ZNF571: variants seen among roughly 807,000 people sequenced by gnomAD.
The protein encoded by ZNF571 is zinc finger protein 571.
ZNF571 carries 4 observed loss-of-function variants against 7.7 expected under a neutral mutation model. The ratio of observed to expected loss-of-function variants is 0.52; its 90% confidence interval spans 0.25 to 1.18. The LOEUF (loss-of-function observed/expected upper bound fraction) is 1.18, where lower values mean the gene tolerates loss of function less well. Ranked by LOEUF, ZNF571 falls within the 50% of genes most tolerant of loss-of-function variation. The pLI is 0.14. For missense variants in ZNF571, 704 were observed against 726.9 expected, an observed-to-expected ratio of 0.97 and a Z score of 0.36; for synonymous variants, 251 against 232.4, an observed-to-expected ratio of 1.08 and a Z score of -0.73.
intron 1 of ZNF571, among the ~76,000 whole-genome samples, chr19:37,588,620 C>T (rs1380352568): frequency 6.6e-6 from 1 of 152,148 alleles, no homozygotes; most frequent in African/African-American, 2.4e-5. Flanking sequence ...CTGCTCACTA[C>T]CTGGGTGACT....
chr19:37,591,555 T>C (rs998482712), intron 1 of ZNF571, among the ~76,000 whole-genome samples: 4 of 152,206 alleles, frequency 2.6e-5, no homozygotes, highest in Non-Finnish European at 5.9e-5. Flanking sequence ...CTGTATTTAT[T>C]TATCTTGAGA....
chr19:37,589,759 G>A (rs2043807885), intron 1 of ZNF571, among the ~76,000 whole-genome samples: 1 of 150,364 alleles, frequency 6.7e-6, no homozygotes, highest in Non-Finnish European at 1.5e-5. Context: ...CCAGCTACTT[G>A]GGAGGCTGAG....
At chr19:37,567,938 G>A (rs1033162835) in intron 3 of ZNF571, among the ~76,000 whole-genome samples, 2 of 152,084 alleles carry the variant, frequency 1.3e-5, no homozygotes, top group Admixed American at 6.5e-5. Flanking sequence ...CTTTAATATA[G>A]TTTTTCATGT....
rs1462692701 is a variant in ZNF571 at position 37,586,704 on chromosome 19, G to C, written c.-28C>G. On this transcript the variant is annotated 5_prime_UTR_variant, in exon 2 of 4. Transcript: ENST00000451802. Reference sequence around the variant, plus strand: ...TTTTTTAGAACTGATCAATTTTCTGGGTTCTTCTCCTGGAGGTGTGCAAAG... The same window carrying C: ...TTTTTTAGAACTGATCAATTTTCTGCGTTCTTCTCCTGGAGGTGTGCAAAG... 1 of 1,613,822 alleles carries C rather than the reference G, an allele frequency of 6.2e-7. No homozygotes were observed. The highest frequency in any genetic ancestry group is 8.5e-7 in the Non-Finnish European group (1 of 1,179,924).
Position 37,565,077 on chromosome 19 carries a change from C to A in ZNF571, c.1351G>T (p.Glu451Ter). Reference protein sequence around the residue: ...HTGEKPFECKECGKAFIRVAY... With the variant: ...HTGEKPFECK ...ACACGAATAAAGGCCTTTCCACATTCCTTACATTCAAAGGGTTTCTCACCT... is the reference window on the plus strand; with the variant it reads ...ACACGAATAAAGGCCTTTCCACATTACTTACATTCAAAGGGTTTCTCACCT... Residue 451 changes from glutamate to a stop codon, truncating the protein, a stop_gained, in exon 4 of 4, where the codon GAA (glutamate) becomes TAA (stop). Transcript: ENST00000451802. LOFTEE classifies it low-confidence loss of function (END_TRUNC). 6.2e-7 allele frequency: 1 copy of A among 1,613,284 alleles called. No individual in the cohort carries two copies. The highest frequency in any genetic ancestry group is 1.1e-5 in the South Asian group (1 of 91,028).
At chr19:37,572,697 T>G (rs530628265) in intron 3 of ZNF571, among the ~76,000 whole-genome samples, 43 of 152,314 alleles carry the variant, frequency 2.8e-4, no homozygotes, top group Non-Finnish European at 5.0e-4. Flanking sequence ...TTTCTGAACT[T>G]TTAAAGGTTA....
At chr19:37,589,959 C>A (rs1473651574) in intron 1 of ZNF571, among the ~76,000 whole-genome samples, 1 of 148,818 alleles carries the variant, frequency 6.7e-6, no homozygotes, top group African/African-American at 2.5e-5. Flanking sequence ...AAATAACAGG[C>A]CTGTAGTTTT....
intron 3 of ZNF571, 163 bp from the exon 4 acceptor site, chr19:37,566,454 T>G: frequency 1.3e-6 from 1 of 766,904 alleles, no homozygotes; most frequent in South Asian, 2.3e-5. Context: ...AAGGAGAGAA[T>G]AAAGAAAAAG....
intron 3 of ZNF571, among the ~76,000 whole-genome samples, chr19:37,570,797 G>C (rs888082530): frequency 6.6e-6 from 1 of 151,960 alleles, no homozygotes; most frequent in African/African-American, 2.4e-5. Flanking sequence ...ATAAATAGAA[G>C]GCATTATAGC....
At position 37,566,122 on chromosome 19, in the gene ZNF571, ACTTG is replaced by A. The variant is rs781499916; in HGVS notation, c.302_305del (p.Ala101ValfsTer30). 20 of 1,613,872 alleles carry A rather than the reference ACTTG, an allele frequency of 1.2e-5. No homozygotes were observed. The highest frequency in any genetic ancestry group is 1.7e-5 in the Non-Finnish European group (20 of 1,179,930). On this transcript the variant is annotated frameshift_variant, in exon 4 of 4. Transcript: ENST00000451802. LOFTEE classifies it low-confidence loss of function (END_TRUNC). ...TGACACACATGTAAAGCCCTTCCTG[ACTTG>A]CTTCTTGACCCTCTAAGTTGCCTTT... is the stretch of plus-strand genomic sequence containing the variant.
intron 2 of ZNF571, 165 bp downstream of exon 2, chr19:37,586,501 ATT>A: frequency 1.4e-6 from 1 of 701,308 alleles, no homozygotes; most frequent in Admixed American, 2.5e-5. Context: ...GGGGAAAAGC[ATT>A]GAGAAGAATT....
intron 3 of ZNF571, among the ~76,000 whole-genome samples, chr19:37,577,527 C>T (rs1253269684): frequency 1.3e-5 from 2 of 152,106 alleles, no homozygotes; most frequent in Non-Finnish European, 2.9e-5. Context: ...AAAAGCAAAG[C>T]TAATCCTTTA....
Position 37,566,222 on chromosome 19 carries a change from T to C in ZNF571, c.206A>G (p.Gln69Arg), listed in dbSNP as rs762112701. 1 of 1,613,868 alleles carries C rather than the reference T, an allele frequency of 6.2e-7. No homozygotes were observed. Among genetic ancestry groups the C allele is most frequent in the African/African-American group, 1.3e-5 (1 of 75,038 alleles). ...EKEIYEMESL[Q>R]WENMGKRINH... ...GATACGTTTCCCCATATTCTCCCAC[T>C]GGAGTGATTCCATTTCATAAATTTC... is the stretch of plus-strand genomic sequence containing the variant. The change falls in exon 4 of 4, where the codon CAG (glutamine) becomes CGG (arginine). Residue 69 changes from glutamine to arginine, a missense_variant. By Grantham distance (43) the Gln-to-Arg change is conservative. Coordinates refer to ENST00000451802, the MANE Select transcript of ZNF571 (RefSeq NM_016536.5).
chr19:37,565,759 A>G lies in ZNF571; in HGVS notation c.669T>C (p.Tyr223=), dbSNP rs1347762479. ...HQKIHTNEKP[Y]QCNACGKAFI... ...AAGCTTTCCCACATGCGTTACACTG[A>G]TAAGGTTTTTCATTAGTATGAATTT... is the stretch of plus-strand genomic sequence containing the variant. Residue 223 remains tyrosine, a synonymous_variant, in exon 4 of 4, where the codon TAT becomes TAC. Coordinates refer to ENST00000451802, the MANE Select transcript of ZNF571 (RefSeq NM_016536.5). 1.9e-6 allele frequency: 3 copies of G among 1,613,630 alleles called. No homozygotes were observed. The highest frequency in any genetic ancestry group is 1.3e-5 in the African/African-American group (1 of 74,828).
At chr19:37,582,555 G>C (rs1014658476) in intron 3 of ZNF571, among the ~76,000 whole-genome samples, 4 of 152,146 alleles carry the variant, frequency 2.6e-5, no homozygotes, top group African/African-American at 9.7e-5. Flanking sequence ...GGTACAGAGA[G>C]TAATCCCATA....
chr19:37,577,126 G>A (rs1440246122), intron 3 of ZNF571, among the ~76,000 whole-genome samples: 2 of 152,092 alleles, frequency 1.3e-5, no homozygotes, highest in African/African-American at 2.4e-5. Flanking sequence ...AATTTAAGGC[G>A]AAAGGAAAAT....
rs773109162 is a variant in ZNF571 at position 37,566,260 on chromosome 19, T to A, written c.168A>T (p.Leu56Phe). The A allele has an allele frequency of 6.2e-7, 1 of 1,613,012 alleles. No homozygotes were observed. Among genetic ancestry groups the A allele is most frequent in the Non-Finnish European group, 8.5e-7 (1 of 1,179,480 alleles). Residue 56 changes from leucine (L) to phenylalanine (F), a missense_variant, in exon 4 of 4, where the codon TTA becomes TTT. By Grantham distance (22) the Leu-to-Phe change is conservative. Coordinates refer to ENST00000451802, the MANE Select transcript of ZNF571 (RefSeq NM_016536.5). ...TTTCATAAATTTCCTTTTCTGGAGA[T>A]AACTTTTTGGTCACACAACTGGATT... ...DLESSCVTKK[L>F]SPEKEIYEME...
intron 1 of ZNF571, among the ~76,000 whole-genome samples, chr19:37,590,113 G>C (rs1483982629): frequency 1.4e-5 from 1 of 71,484 alleles, no homozygotes; most frequent in Non-Finnish European, 2.8e-5. Flanking sequence ...GGCAAAAAAA[G>C]GCTATAAGGA....
At chr19:37,574,535 A>G (rs1233507911) in intron 3 of ZNF571, among the ~76,000 whole-genome samples, 2 of 152,218 alleles carry the variant, frequency 1.3e-5, no homozygotes, top group African/African-American at 4.8e-5. Flanking sequence ...TCATTATAAC[A>G]TTAGAACTCA....
Sources: gnomAD v4.1 joint callset for allele counts (sites outside exome capture counted in the v4.1 genomes callset) on GRCh38, gnomAD v4.1.1 for gene constraint, MANE v1.5 for transcripts, NCBI Gene and HGNC (gene_info 2026-07-23, HGNC 2026-07-21) for gene names.